Variants in RIMS4 observed in about 807,000 individuals in gnomAD.
RIMS4 encodes the protein regulating synaptic membrane exocytosis protein 4.
A neutral mutation model predicts 29.0 loss-of-function variants in RIMS4; 9 were observed. The ratio of observed to expected loss-of-function variants is 0.31; its 90% confidence interval spans 0.19 to 0.54. The LOEUF (loss-of-function observed/expected upper bound fraction) is 0.54, where lower values mean the gene tolerates loss of function less well. Ranked by LOEUF, RIMS4 falls within the 20% of genes least tolerant of loss-of-function variation. The probability of loss-of-function intolerance (pLI) is 0.94; values close to 1 mark genes in which losing one functional copy is unlikely to be tolerated. For synonymous variants in RIMS4, 130 were observed against 152.9 expected (o/e 0.85, Z 1.10); for missense variants, 193 against 365.7 (o/e 0.53, Z 3.85).
intron 4 of RIMS4, 27 bp downstream of exon 4, chr20:44,757,643 C>T (rs749400586): frequency 1.3e-6 from 2 of 1,582,380 alleles, no homozygotes; most frequent in South Asian, 1.1e-5. Flanking sequence ...TCCACCCCCA[C>T]CTTGCAGGGG....
In RIMS4 at chr20:44,809,149, C is replaced by T. The variant is rs535993271; in HGVS notation, c.97+1026G>A. On this transcript the variant is annotated intron_variant, in intron 1 of 5. Transcript: ENST00000372851. ...CATTTCAGAGATGAGGAAATCCAGG[C>T]TCAGAGGTGGCATGACTTGCCCAAG... 5.9e-5 allele frequency among the ~76,000 whole-genome samples: 9 copies of T among 152,248 alleles called. No individual in the cohort carries two copies. The East Asian group carries it at 1.7e-3, about 29-fold the overall frequency.
chr20:44,787,979 T>C (rs1384416496), intron 1 of RIMS4, among the ~76,000 whole-genome samples: 1 of 152,216 alleles, frequency 6.6e-6, no homozygotes, highest in African/African-American at 2.4e-5. Context: ...TGATTATAAT[T>C]AGGATCCCTT....
At chr20:44,785,096 T>C (rs760470253) in intron 1 of RIMS4, among the ~76,000 whole-genome samples, 2 of 152,198 alleles carry the variant, frequency 1.3e-5, no homozygotes, top group Non-Finnish European at 2.9e-5. Context: ...CTCTGCCTTC[T>C]TCATTGTTCA....
At chr20:44,792,599 A>T (rs2066238020) in intron 1 of RIMS4, among the ~76,000 whole-genome samples, 1 of 152,110 alleles carries the variant, frequency 6.6e-6, no homozygotes, top group Non-Finnish European at 1.5e-5. Context: ...GCCTGAACTT[A>T]CTATTGAATG....
In RIMS4 at chr20:44,752,598, C is replaced by T. The variant is rs1313410946; in HGVS notation, c.*3536G>A. 1 of 152,432 alleles carries T rather than the reference C, an allele frequency of 6.6e-6. No individual in the cohort carries two copies. The highest frequency in any genetic ancestry group is 1.5e-5 in the Non-Finnish European group (1 of 68,196). The allele number at this position is 152,432 out of a possible 1,614,324, so 9.4% of individuals were successfully genotyped here. On this transcript the variant is annotated 3_prime_UTR_variant, in exon 6 of 6. Transcript: ENST00000372851. ...AAATGGGGATGACGGCACAGGCCAC[C>T]ACCTACTCCCCAGGGGCTCTTGTGA... is the stretch of plus-strand genomic sequence containing the variant.
chr20:44,795,242 T>C (rs752948921), intron 1 of RIMS4, among the ~76,000 whole-genome samples: 13 of 152,230 alleles, frequency 8.5e-5, no homozygotes, highest in Non-Finnish European at 1.8e-4. Flanking sequence ...GTGGCGAAGC[T>C]CCAGAGCCCA....
rs2066057670 is a variant in RIMS4 at position 44,755,941 on chromosome 20, G to T, written c.*193C>A. The T allele has an allele frequency of 1.6e-5, 9 of 566,388 alleles. No homozygotes were observed. In the South Asian group the frequency reaches 2.2e-4, roughly 14 times the overall value. 35.1% of individuals were successfully genotyped at this position (566,388 alleles called of 1,614,324 possible). On this transcript the variant is annotated 3_prime_UTR_variant, in exon 6 of 6. Coordinates refer to ENST00000372851, the MANE Select transcript of RIMS4 (RefSeq NM_182970.4). ...AAAAGTGTAGCCAATCCCGTTGGGA[G>T]AGGGGAGGTCTCGGGGGTAGGAGGC... is the stretch of plus-strand genomic sequence containing the variant.
rs114485682 is a variant in RIMS4, at chr20:44,771,403, C to T, written c.108G>A (p.Arg36=). ...TCCTCTGGATGGCCCCCTTCAGCCT[C>T]CGGCTGTCCCCTTCTGGGCAAAGCG... ...SFDDEDAGDS[R]RLKGAIQRST... Residue 36 remains arginine, a synonymous_variant, in exon 2 of 6, where the codon CGG becomes CGA. Transcript: ENST00000372851. 9.1e-4 allele frequency: 1,467 copies of T among 1,611,936 alleles called. 9 individuals are homozygous for T. The African/African-American group carries it at 0.017, about 19-fold the overall frequency.
chr20:44,770,191 A>G (rs969482857), intron 2 of RIMS4, among the ~76,000 whole-genome samples: 2 of 152,106 alleles, frequency 1.3e-5, no homozygotes, highest in Non-Finnish European at 2.9e-5. Flanking sequence ...TAGGACCATG[A>G]AGCGATGCAG....
chr20:44,805,967 A>G (rs937844398), intron 1 of RIMS4, among the ~76,000 whole-genome samples: 10 of 152,140 alleles, frequency 6.6e-5, no homozygotes, highest in African/African-American at 2.2e-4. Context: ...CTGTGGTACT[A>G]GTTTTTGGAT....
chr20:44,810,504 C>CGGCGGCGGCGGTGGCGGT lies in RIMS4; in HGVS notation c.-234_-233insACCGCCACCGCCGCCGCC, dbSNP rs1555866050. Among the ~76,000 whole-genome samples the CGGCGGCGGCGGTGGCGGT allele has an allele frequency of 6.9e-6, 1 of 144,028 alleles. No homozygotes were observed. Among genetic ancestry groups the CGGCGGCGGCGGTGGCGGT allele is most frequent in the Non-Finnish European group, 1.5e-5 (1 of 65,088 alleles). 94.5% of individuals were successfully genotyped at this position (144,028 alleles called of 152,430 possible). On this transcript the variant is annotated 5_prime_UTR_variant, in exon 1 of 6. Transcript: ENST00000372851. Reference sequence around the variant, plus strand: ...CGCGCTGTGCTGCTGGCGGCGGCGGCGGCGGCGGCGGTGGCGGCGGCGGTG... The same window carrying CGGCGGCGGCGGTGGCGGT: ...CGCGCTGTGCTGCTGGCGGCGGCGGCGGCGGCGGCGGTGGCGGTGGCGGCGGCGGTGGCGGCGGCGGTG...
chr20:44,753,992 C>T lies in RIMS4; in HGVS notation c.*2142G>A, dbSNP rs976140578. On this transcript the variant is annotated 3_prime_UTR_variant, in exon 6 of 6. Coordinates refer to ENST00000372851, the MANE Select transcript of RIMS4 (RefSeq NM_182970.4). ...CCTGGTTGGGACAGCCAGGCTCTGC[C>T]CTGTTTTTGAAAAGCTACCCCTGAA... The T allele has an allele frequency of 2.6e-5, 4 of 152,488 alleles. No individual in the cohort carries two copies. The highest frequency in any genetic ancestry group is 9.7e-5 in the African/African-American group (4 of 41,442). 9.4% of individuals were successfully genotyped at this position (152,488 alleles called of 1,614,324 possible). A position where few individuals can be genotyped will look rare whatever the true frequency, so the allele number is the denominator to read the frequency against.
intron 1 of RIMS4, among the ~76,000 whole-genome samples, chr20:44,801,816 G>C (rs1170551378): frequency 6.6e-6 from 1 of 152,166 alleles, no homozygotes; most frequent in East Asian, 1.9e-4. Context: ...AAGAGGGCCT[G>C]AAGACCATAC....
chr20:44,764,928 A>G (rs1379685356), intron 2 of RIMS4, among the ~76,000 whole-genome samples: 2 of 152,204 alleles, frequency 1.3e-5, no homozygotes, highest in African/African-American at 2.4e-5. Flanking sequence ...GACCACCTCT[A>G]TGAGACTGTG....
rs995868445 is a variant in RIMS4, at chr20:44,755,856, C to T, written c.*278G>A. ...AAGGGAGAGTGGTCTGCTCTGCCAC[C>T]TCAATCTTTCCTTTCTCTGGACTGC... On this transcript the variant is annotated 3_prime_UTR_variant, in exon 6 of 6. Coordinates refer to ENST00000372851, the MANE Select transcript of RIMS4 (RefSeq NM_182970.4). 11 of 426,942 alleles carry T rather than the reference C, an allele frequency of 2.6e-5. No individual in the cohort carries two copies. Among genetic ancestry groups the T allele is most frequent in the African/African-American group, 1.9e-4 (10 of 51,384 alleles). The allele number at this position is 426,942 out of a possible 1,614,324, so 26.4% of individuals were successfully genotyped here.
intron 1 of RIMS4, among the ~76,000 whole-genome samples, chr20:44,773,947 C>T (rs1220707080): frequency 6.6e-6 from 1 of 152,084 alleles, no homozygotes; most frequent in African/African-American, 2.4e-5. Flanking sequence ...CAAACCACTG[C>T]AGAGGGAGAA....
At chr20:44,768,681 C>T (rs538282733) in intron 2 of RIMS4, among the ~76,000 whole-genome samples, 7 of 152,326 alleles carry the variant, frequency 4.6e-5, no homozygotes, top group East Asian at 3.9e-4. Flanking sequence ...CTGCTGGACC[C>T]GTCACCCTCC....
At chr20:44,802,660 A>G (rs1163768543) in intron 1 of RIMS4, among the ~76,000 whole-genome samples, 1 of 152,196 alleles carries the variant, frequency 6.6e-6, no homozygotes, top group Non-Finnish European at 1.5e-5. Context: ...ATCTGCGCCT[A>G]AGGAACATAA....
intron 1 of RIMS4, among the ~76,000 whole-genome samples, chr20:44,801,747 C>A (rs1229944084): frequency 6.6e-6 from 1 of 152,122 alleles, no homozygotes; most frequent in Non-Finnish European, 1.5e-5. Context: ...CGTGTTAAAC[C>A]TGGCACAACG....
Sources: allele counts gnomAD v4.1 joint callset (sites outside exome capture counted in the v4.1 genomes callset), GRCh38; gene constraint gnomAD v4.1.1; transcripts MANE v1.5; gene names NCBI Gene and HGNC (gene_info 2026-07-23, HGNC 2026-07-21).